Variants in PKD1L3 observed in about 807,000 individuals in gnomAD.
PKD1L3 encodes polycystin-1-like protein 3.
A neutral mutation model predicts 184.1 loss-of-function variants in PKD1L3; 239 were observed. That is an observed-to-expected ratio of 1.30 (90% CI 1.17 to 1.45). PKD1L3 has a LOEUF of 1.45. Ranked by LOEUF, PKD1L3 falls within the 40% of genes most tolerant of loss-of-function variation. PKD1L3 has a pLI of 0.00. For synonymous variants in PKD1L3, 996 were observed against 778.8 expected, an observed-to-expected ratio of 1.28 and a Z score of -4.64; for missense variants, 2,660 against 2,067.2, an observed-to-expected ratio of 1.29 and a Z score of -5.56.
chr16:71,987,010 C>T (rs562908928), intron 4 of PKD1L3, among the ~76,000 whole-genome samples: 9 of 147,528 alleles, frequency 6.1e-5, no homozygotes, highest in East Asian at 6.0e-4. Context: ...CTGCAGCCTC[C>T]GCCTCCTGGG....
At chr16:71,953,144 G>C in intron 17 of PKD1L3, 51 bp from the exon 18 acceptor site, 2 of 1,358,888 alleles carry the variant, frequency 1.5e-6, no homozygotes, top group East Asian at 5.7e-5. Flanking sequence ...TAAAATAATC[G>C]CAAAGTCATT....
chr16:71,954,254 A>G lies in PKD1L3; in HGVS notation c.2660T>C (p.Leu887Pro). ...MIVEKFTQDY[L>P]WLSIATRHPW... ...ATGCCGAGTTGCAATTGAAAGCCACAGATAATCCTGGGTGAACTTTTCCAC... is the reference window on the plus strand; with the variant it reads ...ATGCCGAGTTGCAATTGAAAGCCACGGATAATCCTGGGTGAACTTTTCCAC... Residue 887 changes from leucine (L) to proline (P), a missense_variant, in exon 17 of 30, where the codon CTG becomes CCG. By Grantham distance (98) the Leu-to-Pro change is moderately conservative (BLOSUM62 -3). Coordinates refer to ENST00000620267, the MANE Select transcript of PKD1L3 (RefSeq NM_181536.2). 1.3e-6 allele frequency: 2 copies of G among 1,549,144 alleles called. No individual in the cohort carries two copies. The highest frequency in any genetic ancestry group is 2.5e-5 in the East Asian group (1 of 40,706).
chr16:71,984,933 C>G (rs2040301519), intron 5 of PKD1L3, among the ~76,000 whole-genome samples: 1 of 152,110 alleles, frequency 6.6e-6, no homozygotes, highest in African/African-American at 2.4e-5. Context: ...GAAAACCTCC[C>G]TGCCCTAAGA....
chr16:71,971,189 A>ACC, intron 12 of PKD1L3, among the ~76,000 whole-genome samples: 1 of 152,350 alleles, frequency 6.6e-6, no homozygotes, highest in East Asian at 1.9e-4. Flanking sequence ...AGAGGGCTTC[A>ACC]ATTATTCATG....
rs1597352703 is a variant in PKD1L3, at chr16:71,977,240, T to C, written c.1755A>G (p.Gln585=). 2.0e-6 allele frequency: 3 copies of C among 1,520,984 alleles called. No homozygotes were observed. Among genetic ancestry groups the C allele is most frequent in the South Asian group, 1.2e-5 (1 of 83,336 alleles). 94.2% of individuals were successfully genotyped at this position (1,520,984 alleles called of 1,614,324 possible). Residue 585 remains glutamine (Q), a synonymous_variant, in exon 11 of 30, where the codon CAA becomes CAG. Transcript: ENST00000620267. ...NITLPKDKVW[Q]KDEEYTWVLN... is the part of the protein sequence containing the mutation. ...TGACAGCTGATTGGGTTTTACCTTTTTGCCACACCTTATCCTTTGGAAGGG... is the reference window on the plus strand; with the variant it reads ...TGACAGCTGATTGGGTTTTACCTTTCTGCCACACCTTATCCTTTGGAAGGG...
intron 16 of PKD1L3, among the ~76,000 whole-genome samples, chr16:71,957,429 CA>C (rs138890543): frequency 2.6e-5 from 4 of 151,850 alleles, no homozygotes; most frequent in Admixed American, 6.5e-5. Context: ...CAGAATGGAC[CA>C]AAAAAATGCC....
intron 16 of PKD1L3, among the ~76,000 whole-genome samples, chr16:71,954,526 G>T (rs1197700748): frequency 6.6e-6 from 1 of 152,090 alleles, no homozygotes; most frequent in Non-Finnish European, 1.5e-5. Context: ...TAGGATAAAA[G>T]GTTGTTGAGG....
At chr16:71,972,735 T>C (rs560564645) in intron 12 of PKD1L3, among the ~76,000 whole-genome samples, 2 of 152,314 alleles carry the variant, frequency 1.3e-5, no homozygotes, top group African/African-American at 4.8e-5. Flanking sequence ...GATGGCACTT[T>C]CTCAGCTCTT....
intron 16 of PKD1L3, among the ~76,000 whole-genome samples, chr16:71,962,611 C>T (rs1157510946): frequency 2.6e-5 from 4 of 152,062 alleles, no homozygotes; most frequent in East Asian, 1.9e-4. Context: ...CTTAGCCTCC[C>T]GAGTAGCTGG....
intron 6 of PKD1L3, among the ~76,000 whole-genome samples, 163 bp downstream of exon 6, chr16:71,983,873 G>A (rs951880943): frequency 6.6e-6 from 1 of 151,660 alleles, no homozygotes; most frequent in African/African-American, 2.4e-5. Context: ...ATGTTGCCCA[G>A]TCAGGTCTTG....
chr16:71,946,903 A>AGGGAGAGAGGG (rs2038634485), intron 22 of PKD1L3, among the ~76,000 whole-genome samples: 1 of 86,344 alleles, frequency 1.2e-5, no homozygotes, highest in African/African-American at 4.4e-5. Context: ...GGAGAGAGGG[A>AGGGAGAGAGGG]GGGGGAGAGA....
At chr16:71,930,289 C>A (rs1567481659) in intron 28 of PKD1L3, 106 bp from the exon 29 acceptor site, 2 of 1,188,482 alleles carry the variant, frequency 1.7e-6, no homozygotes, top group East Asian at 5.4e-5. Context: ...AAAAGCTTAT[C>A]CGAAGGAAAC....
chr16:71,955,107 C>T (rs1388368675), intron 16 of PKD1L3, among the ~76,000 whole-genome samples: 1 of 152,166 alleles, frequency 6.6e-6, no homozygotes, highest in Non-Finnish European at 1.5e-5. Flanking sequence ...ACAAGATCTG[C>T]AATACTCCTA....
intron 23 of PKD1L3, among the ~76,000 whole-genome samples, chr16:71,943,664 G>T (rs913855546): frequency 1.3e-5 from 2 of 151,982 alleles, no homozygotes; most frequent in African/African-American, 4.8e-5. Flanking sequence ...GATAAAAGCA[G>T]AATTTGTCTT....
At chr16:71,987,491 G>A (rs1343955075) in intron 4 of PKD1L3, among the ~76,000 whole-genome samples, 1 of 152,086 alleles carries the variant, frequency 6.6e-6, no homozygotes, top group Admixed American at 6.6e-5. Flanking sequence ...TCCTGGCTCA[G>A]CCTCCTGAGT....
rs557826157 is a variant in PKD1L3 at position 71,938,285 on chromosome 16, C to A, written c.4325-866G>T. On this transcript the variant is annotated intron_variant, in intron 24 of 29. Transcript: ENST00000620267. ...TTGGGGCAGTGCTGACAAGCAGCCC[C>A]CTACTGCCTCGGCCTTCTCCGAACT... 4.3e-4 allele frequency among the ~76,000 whole-genome samples: 66 copies of A among 152,382 alleles called. 1 individual carries two copies. The highest frequency in any genetic ancestry group is 1.5e-3 in the African/African-American group (61 of 41,598).
At chr16:71,984,642 T>A (rs2040288231) in intron 5 of PKD1L3, among the ~76,000 whole-genome samples, 1 of 152,176 alleles carries the variant, frequency 6.6e-6, no homozygotes, top group South Asian at 2.1e-4. Flanking sequence ...GCAGATCACT[T>A]GAGGTCAGGA....
chr16:71,991,820 A>G (rs2040601411), intron 3 of PKD1L3, among the ~76,000 whole-genome samples: 1 of 152,222 alleles, frequency 6.6e-6, no homozygotes, highest in African/African-American at 2.4e-5. Context: ...TCTGAATTAC[A>G]AAAAACTTTT....
intron 15 of PKD1L3, among the ~76,000 whole-genome samples, chr16:71,964,828 GCT>G (rs1233127767): frequency 7.3e-5 from 11 of 149,782 alleles, no homozygotes; most frequent in East Asian, 2.0e-4. Flanking sequence ...GGAATCATAT[GCT>G]CTCTCTCTAT....
Sources: allele counts gnomAD v4.1 joint callset (sites outside exome capture counted in the v4.1 genomes callset), GRCh38; gene constraint gnomAD v4.1.1; transcripts MANE v1.5; gene names NCBI Gene and HGNC (gene_info 2026-07-23, HGNC 2026-07-21).